CABCOCO1: variants seen among roughly 807,000 people sequenced by gnomAD.
CABCOCO1 encodes ciliary associated calcium binding coiled-coil 1, also known as ciliary-associated calcium-binding coiled-coil protein 1.
Under a neutral mutation model 35.7 loss-of-function variants are expected in CABCOCO1, and 28 were observed. The observed-to-expected ratio is 0.78, with a 90% confidence interval of 0.58 to 1.07. CABCOCO1 has a LOEUF of 1.07. Ranked by LOEUF, CABCOCO1 falls within the 50% of genes least tolerant of loss-of-function variation. The pLI is 0.00. For synonymous variants in CABCOCO1, 95 were observed against 100.1 expected, an observed-to-expected ratio of 0.95 and a Z score of 0.30; for missense variants, 326 against 309.2, an observed-to-expected ratio of 1.05 and a Z score of -0.41.
intron 2 of CABCOCO1, among the ~76,000 whole-genome samples, chr10:61,677,070 A>G (rs1460614922): frequency 1.3e-5 from 2 of 150,326 alleles, no homozygotes; most frequent in Non-Finnish European, 3.0e-5. Context: ...GTCTCAAAAA[A>G]TAATAATAAT....
At chr10:61,680,555 A>ATGTTATATTATGTTATATATAACATATT (rs1491468579) in intron 2 of CABCOCO1, among the ~76,000 whole-genome samples, 1 of 19,130 alleles carries the variant, frequency 5.2e-5, no homozygotes, top group African/African-American at 1.8e-4. Context: ...TATAACATAT[A>ATGTTATATTATGTTATATATAACATATT]ATATATATTT....
chr10:61,687,349 C>T (rs1284531988), intron 4 of CABCOCO1, among the ~76,000 whole-genome samples: 1 of 152,182 alleles, frequency 6.6e-6, no homozygotes, highest in Non-Finnish European at 1.5e-5. Context: ...GAGCCTATTC[C>T]TCAAGGTCTT....
chr10:61,718,946 G>A (rs1163310205), intron 5 of CABCOCO1, among the ~76,000 whole-genome samples: 5 of 152,070 alleles, frequency 3.3e-5, no homozygotes, highest in African/African-American at 4.8e-5. Flanking sequence ...AAAAAGTCCA[G>A]TAAAATTGTC....
chr10:61,676,616 T>C (rs1293636064), intron 2 of CABCOCO1, among the ~76,000 whole-genome samples: 1 of 152,122 alleles, frequency 6.6e-6, no homozygotes, highest in African/African-American at 2.4e-5. Context: ...AAATGGCTCA[T>C]AACAAAATGC....
At chr10:61,744,059 G>A (rs145650332) in intron 5 of CABCOCO1, among the ~76,000 whole-genome samples, 29 of 152,186 alleles carry the variant, frequency 1.9e-4, no homozygotes, top group African/African-American at 4.6e-4. Context: ...ACCTAGTACC[G>A]TACTTGGCTT....
At chr10:61,750,211 T>C (rs1841751514) in intron 5 of CABCOCO1, among the ~76,000 whole-genome samples, 1 of 152,164 alleles carries the variant, frequency 6.6e-6, no homozygotes, top group Non-Finnish European at 1.5e-5. Flanking sequence ...GGGTATGGTA[T>C]CTCTGAGGAA....
At chr10:61,721,994 A>G (rs1841034385) in intron 5 of CABCOCO1, among the ~76,000 whole-genome samples, 1 of 152,122 alleles carries the variant, frequency 6.6e-6, no homozygotes, top group South Asian at 2.1e-4. Flanking sequence ...GAAGGCCAAA[A>G]TGCTCAGCCA....
At chr10:61,745,753 G>A (rs758383835) in intron 5 of CABCOCO1, among the ~76,000 whole-genome samples, 1 of 152,194 alleles carries the variant, frequency 6.6e-6, no homozygotes, top group Non-Finnish European at 1.5e-5. Context: ...TACTGGCAGA[G>A]GGTCACAGCA....
chr10:61,726,830 G>A (rs1381348382), intron 5 of CABCOCO1, among the ~76,000 whole-genome samples: 2 of 151,452 alleles, frequency 1.3e-5, no homozygotes, highest in African/African-American at 4.9e-5. Flanking sequence ...GGCGAGCGGG[G>A]GTGGATCACC....
chr10:61,728,318 C>T (rs1204213070), intron 5 of CABCOCO1, among the ~76,000 whole-genome samples: 3 of 152,032 alleles, frequency 2.0e-5, no homozygotes, highest in Admixed American at 6.6e-5. Flanking sequence ...GTCAGTTCTG[C>T]GACATTTGGT....
intron 5 of CABCOCO1, among the ~76,000 whole-genome samples, chr10:61,758,335 T>C (rs895359775): frequency 1.3e-5 from 2 of 151,856 alleles, no homozygotes; most frequent in Non-Finnish European, 2.9e-5. Context: ...CTTGGTAAAA[T>C]AAAGAGCAAT....
At chr10:61,747,821 CA>C (rs1256983654) in intron 5 of CABCOCO1, among the ~76,000 whole-genome samples, 2 of 152,138 alleles carry the variant, frequency 1.3e-5, no homozygotes, top group African/African-American at 4.8e-5. Context: ...TTCCCTGAAT[CA>C]AGTAAATTAA....
At chr10:61,666,115 GA>G (rs1385136613) in intron 1 of CABCOCO1, among the ~76,000 whole-genome samples, 2 of 152,176 alleles carry the variant, frequency 1.3e-5, no homozygotes, top group African/African-American at 4.8e-5. Flanking sequence ...TGAGGGGTAA[GA>G]TGATGTAACC....
At chr10:61,734,206 T>C (rs1404931791) in intron 5 of CABCOCO1, among the ~76,000 whole-genome samples, 1 of 152,110 alleles carries the variant, frequency 6.6e-6, no homozygotes, top group Admixed American at 6.6e-5. Context: ...GTGAATTTTA[T>C]CATATGTGGC....
Position 61,688,058 on chromosome 10 carries a change from G to A in CABCOCO1, c.479+1873G>A, listed in dbSNP as rs1840019135. On this transcript the variant is annotated intron_variant, in intron 4 of 7. Coordinates refer to ENST00000648843, the MANE Select transcript of CABCOCO1 (RefSeq NM_001366906.2). ...CAAGAAGAATACCTAATAGATGCTG[G>A]GCTAAATACCTAAATGATAGGTTGA... Among the ~76,000 whole-genome samples, 3 of 152,102 alleles carry A rather than the reference G, an allele frequency of 2.0e-5. No individual in the cohort carries two copies. In the South Asian group the frequency reaches 6.2e-4, roughly 32 times the overall value.
chr10:61,712,056 A>G (rs1840744222), intron 5 of CABCOCO1, among the ~76,000 whole-genome samples: 1 of 152,162 alleles, frequency 6.6e-6, no homozygotes, highest in Admixed American at 6.5e-5. Flanking sequence ...AGGAATCGCC[A>G]CACTGTCTTC....
In CABCOCO1 at chr10:61,720,689, T is replaced by TGG. The variant is rs71018995; in HGVS notation, c.552+30074_552+30075dup. Among the ~76,000 whole-genome samples, 528 of 151,590 alleles carry TGG rather than the reference T, an allele frequency of 3.5e-3. 4 individuals are homozygous for TGG. Among genetic ancestry groups the TGG allele is most frequent in the Admixed American group, 0.011 (162 of 15,220 alleles). ...TTGAAAGAAACACTACATCATGTGGTGGGGGGGCAGGTAATGAGGACAAAA... is the reference window on the plus strand; with the variant it reads ...TTGAAAGAAACACTACATCATGTGGTGGGGGGGGGCAGGTAATGAGGACAAAA... On this transcript the variant is annotated intron_variant, in intron 5 of 7. Coordinates refer to ENST00000648843, the MANE Select transcript of CABCOCO1 (RefSeq NM_001366906.2).
intron 5 of CABCOCO1, among the ~76,000 whole-genome samples, chr10:61,717,084 C>T (rs1481207415): frequency 6.6e-6 from 1 of 152,064 alleles, no homozygotes; most frequent in African/African-American, 2.4e-5. Flanking sequence ...CTTCATCCTC[C>T]TAACATCCTG....
intron 5 of CABCOCO1, among the ~76,000 whole-genome samples, chr10:61,742,967 T>C (rs1016062092): frequency 2.6e-5 from 4 of 152,228 alleles, no homozygotes; most frequent in Non-Finnish European, 4.4e-5. Context: ...ATTTAACCTC[T>C]GCTTTCTTAA....
Sources: gnomAD v4.1 joint callset for allele counts (sites outside exome capture counted in the v4.1 genomes callset) on GRCh38, gnomAD v4.1.1 for gene constraint, MANE v1.5 for transcripts, NCBI Gene and HGNC (gene_info 2026-07-23, HGNC 2026-07-21) for gene names.